The following AFF3 variants were observed in gnomAD, a reference collection of about 807,000 sequenced individuals.
AFF3 encodes AF4/FMR2 family member 3.
Under a neutral mutation model 129.7 loss-of-function variants are expected in AFF3, and 32 were observed. The observed-to-expected ratio is 0.25, with a 90% CI of 0.19 to 0.33. The LOEUF (loss-of-function observed/expected upper bound fraction) is 0.33. Ranked by LOEUF, AFF3 falls within the 10% of genes least tolerant of loss-of-function variation. AFF3 has a pLI of 1.00. For missense variants in AFF3, 1,373 were observed against 1,592.0 expected, an observed-to-expected ratio of 0.86 and a Z score of 2.34; for synonymous variants, 644 against 635.4, an observed-to-expected ratio of 1.01 and a Z score of -0.20.
At position 99,548,248 on chromosome 2, in the gene AFF3, A is replaced by G. The variant is rs1158831825; in HGVS notation, c.*3226T>C. Reference sequence around the variant, plus strand: ...AGGCAAATGTACGTCTTCAAATAAAAAGACATGGTAATAAAAATTATTTGC... The same window carrying G: ...AGGCAAATGTACGTCTTCAAATAAAGAGACATGGTAATAAAAATTATTTGC... On this transcript the variant is annotated 3_prime_UTR_variant, in exon 25 of 25. Coordinates refer to ENST00000672756, the MANE Select transcript of AFF3 (RefSeq NM_001386135.1). 1.5e-5 allele frequency: 3 copies of G among 197,446 alleles called. No homozygotes were observed. Among genetic ancestry groups the G allele is most frequent in the African/African-American group, 6.9e-5 (3 of 43,390 alleles). The allele number at this position is 197,446 out of a possible 1,614,324, so 12.2% of individuals were successfully genotyped here.
At chr2:100,120,781 T>C (rs893896374) in intron 2 of AFF3, among the ~76,000 whole-genome samples, 6 of 151,996 alleles carry the variant, frequency 3.9e-5, no homozygotes, top group Admixed American at 6.6e-5. Flanking sequence ...CATGCCTCCA[T>C]GCCACCATAA....
intron 10 of AFF3, among the ~76,000 whole-genome samples, chr2:99,743,799 A>T (rs186453511): frequency 1.4e-4 from 22 of 152,216 alleles, no homozygotes; most frequent in African/African-American, 5.3e-4. Flanking sequence ...GTGCCTTTTA[A>T]GTTTTTTTCT....
At chr2:99,582,425 G>A (rs1271168222) in intron 17 of AFF3, among the ~76,000 whole-genome samples, 1 of 152,144 alleles carries the variant, frequency 6.6e-6, no homozygotes, top group Non-Finnish European at 1.5e-5. Context: ...TTTCAGTGTG[G>A]GGTTTCAATC....
Position 99,908,362 on chromosome 2 carries a change from A to T in AFF3, c.874-70838T>A, listed in dbSNP as rs532840790. On this transcript the variant is annotated intron_variant, in intron 7 of 24. Transcript: ENST00000672756. ...TAAAGACTTACATGTTAGACCTAAA[A>T]CCATAAAAGCGCTAGAAGAAAACCT... 5.3e-5 allele frequency among the ~76,000 whole-genome samples: 8 copies of T among 152,162 alleles called. No individual in the cohort carries two copies. In the East Asian group the frequency reaches 1.4e-3, roughly 26 times the overall value.
intron 1 of AFF3, among the ~76,000 whole-genome samples, chr2:100,138,272 G>A (rs958784079): frequency 3.3e-5 from 5 of 152,138 alleles, no homozygotes; most frequent in Non-Finnish European, 5.9e-5. Context: ...CTAAACAGGG[G>A]TCATCACTCT....
chr2:99,901,387 C>T (rs1435253893), intron 7 of AFF3, among the ~76,000 whole-genome samples: 4 of 152,230 alleles, frequency 2.6e-5, no homozygotes, highest in Non-Finnish European at 5.9e-5. Context: ...ATCTGTGTTT[C>T]TCCCGCTGTC....
intron 12 of AFF3, among the ~76,000 whole-genome samples, chr2:99,654,668 G>A (rs1308331438): frequency 6.6e-6 from 1 of 152,204 alleles, no homozygotes; most frequent in Non-Finnish European, 1.5e-5. Context: ...AATAGGTTGA[G>A]AGGGTTAAGA....
At chr2:100,011,794 G>A (rs903748961) in intron 4 of AFF3, among the ~76,000 whole-genome samples, 1 of 152,106 alleles carries the variant, frequency 6.6e-6, no homozygotes, top group African/African-American at 2.4e-5. Flanking sequence ...TTTCAGTGTG[G>A]CTTAAATGTT....
chr2:99,597,223 T>C (rs907924723), intron 14 of AFF3, among the ~76,000 whole-genome samples: 1 of 152,226 alleles, frequency 6.6e-6, no homozygotes, highest in Non-Finnish European at 1.5e-5. Flanking sequence ...TCCCACTGTT[T>C]GGCATAGCCT....
At chr2:99,809,295 C>T (rs575889412) in intron 8 of AFF3, among the ~76,000 whole-genome samples, 83 of 152,296 alleles carry the variant, frequency 5.4e-4, no homozygotes, top group African/African-American at 1.9e-3. Flanking sequence ...GAACAAGGAG[C>T]GGCTACAGAG....
intron 11 of AFF3, among the ~76,000 whole-genome samples, chr2:99,708,775 A>G (rs188505154): frequency 3.3e-5 from 5 of 152,356 alleles, no homozygotes; most frequent in Admixed American, 2.6e-4. Flanking sequence ...TAAGATGAAG[A>G]TCTTAATTAC....
chr2:99,837,604 T>TC (rs1553463363), intron 7 of AFF3, 80 bp from the exon 8 acceptor site: 6 of 1,320,128 alleles, frequency 4.5e-6, no homozygotes, highest in South Asian at 2.5e-5. Flanking sequence ...TCCAAATTAG[T>TC]CCCCCCCAAC....
chr2:99,935,580 T>C (rs1231478750), intron 7 of AFF3, among the ~76,000 whole-genome samples: 3 of 152,188 alleles, frequency 2.0e-5, no homozygotes, highest in Non-Finnish European at 4.4e-5. Context: ...TGTGCAGAGA[T>C]GGTGGGCCAT....
At chr2:99,842,627 C>T (rs1295173835) in intron 7 of AFF3, among the ~76,000 whole-genome samples, 1 of 152,216 alleles carries the variant, frequency 6.6e-6, no homozygotes, top group Non-Finnish European at 1.5e-5. Context: ...CCAGCTGATT[C>T]TCCTCTTCTA....
At chr2:99,636,473 T>A (rs1429409067) in intron 13 of AFF3, among the ~76,000 whole-genome samples, 2 of 152,192 alleles carry the variant, frequency 1.3e-5, no homozygotes, top group Non-Finnish European at 2.9e-5. Context: ...CTGAAATTAA[T>A]GAGCACTGTC....
At chr2:99,952,702 A>G (rs1042227508) in intron 7 of AFF3, among the ~76,000 whole-genome samples, 19 of 152,242 alleles carry the variant, frequency 1.2e-4, no homozygotes, top group African/African-American at 3.9e-4. Flanking sequence ...GTGAGCCTGC[A>G]GAAGCCCTCT....
chr2:100,064,896 A>G (rs1687594771), intron 4 of AFF3, among the ~76,000 whole-genome samples: 1 of 152,218 alleles, frequency 6.6e-6, no homozygotes, highest in Non-Finnish European at 1.5e-5. Context: ...AGCTAGCCAG[A>G]AAAGGGGAGG....
chr2:99,961,129 G>C (rs553359814), intron 7 of AFF3, among the ~76,000 whole-genome samples: 15 of 152,258 alleles, frequency 9.9e-5, no homozygotes, highest in African/African-American at 3.4e-4. Flanking sequence ...CATTGTCACA[G>C]AGTTCTTCCC....
In AFF3 at chr2:99,559,033, A is replaced by G. The variant is rs534500601; in HGVS notation, c.3192-65T>C. 16 of 1,464,358 alleles carry G rather than the reference A, an allele frequency of 1.1e-5. No individual in the cohort carries two copies. The East Asian group carries it at 3.6e-4, about 33-fold the overall frequency. The allele number at this position is 1,464,358 out of a possible 1,614,324, so 90.7% of individuals were successfully genotyped here. On this transcript the variant is annotated intron_variant, in intron 21 of 24. Coordinates refer to ENST00000672756, the MANE Select transcript of AFF3 (RefSeq NM_001386135.1). Reference sequence around the variant, plus strand: ...TGCGTCGTGCGCAAACAAGACTTAAACATTTTTGTTGTTGTTCTAAGGTAC... The same window carrying G: ...TGCGTCGTGCGCAAACAAGACTTAAGCATTTTTGTTGTTGTTCTAAGGTAC...
Sources: allele counts gnomAD v4.1 joint callset (sites outside exome capture counted in the v4.1 genomes callset), GRCh38; gene constraint gnomAD v4.1.1; transcripts MANE v1.5; gene names NCBI Gene and HGNC (gene_info 2026-07-23, HGNC 2026-07-21).